The following RYR2 variants were observed in gnomAD, a reference collection of about 807,000 sequenced individuals.
RYR2 encodes ryanodine receptor 2.
A neutral mutation model predicts 601.1 loss-of-function variants in RYR2; 227 were observed. The ratio of observed to expected loss-of-function variants is 0.38; its 90% CI spans 0.34 to 0.42. RYR2 has a LOEUF of 0.42. RYR2 is among the 10% of genes least tolerant of loss of function. The pLI, the probability that RYR2 is intolerant of heterozygous loss-of-function variation, is 1.00. For synonymous variants in RYR2, 2,223 were observed against 2,175.1 expected (o/e 1.02, Z -0.61); for missense variants, 4,646 against 6,156.5 (o/e 0.75, Z 8.21).
At chr1:237,342,002 C>T (rs959470898) in intron 3 of RYR2, among the ~76,000 whole-genome samples, 2 of 152,080 alleles carry the variant, frequency 1.3e-5, no homozygotes, top group South Asian at 2.1e-4. Context: ...CATGGTTATC[C>T]CTAGTCATGG....
At chr1:237,303,974 T>C (rs1342156678) in intron 2 of RYR2, among the ~76,000 whole-genome samples, 1 of 152,176 alleles carries the variant, frequency 6.6e-6, no homozygotes, top group Non-Finnish European at 1.5e-5. Flanking sequence ...TTCTGTCGGG[T>C]GTAAGAGATT....
At chr1:237,237,945 C>T (rs368764751) in intron 1 of RYR2, among the ~76,000 whole-genome samples, 1,518 of 35,546 alleles carry the variant, frequency 0.043, 37 homozygotes, top group South Asian at 0.21. Context: ...CTTTCCTTTC[C>T]CCTTTCCTTT....
intron 41 of RYR2, among the ~76,000 whole-genome samples, chr1:237,628,315 A>C (rs1679891016): frequency 6.6e-6 from 1 of 151,668 alleles, no homozygotes. Flanking sequence ...GGTGCGCTGC[A>C]CCCACTAACT....
At chr1:237,160,192 A>G (rs1379660499) in intron 1 of RYR2, among the ~76,000 whole-genome samples, 1 of 152,230 alleles carries the variant, frequency 6.6e-6, no homozygotes, top group East Asian at 1.9e-4. Flanking sequence ...AAGCAGTTCA[A>G]TTTACAAAAC....
At chr1:237,501,377 A>G (rs1664622209) in intron 21 of RYR2, among the ~76,000 whole-genome samples, 1 of 151,732 alleles carries the variant, frequency 6.6e-6, no homozygotes. Flanking sequence ...GTTCCTCTCC[A>G]CCTTTATTCT....
At position 237,565,202 on chromosome 1, in the gene RYR2, T is replaced by C. The variant is rs577255476; in HGVS notation, c.3215-1365T>C. Among the ~76,000 whole-genome samples, 17 of 138,672 alleles carry C rather than the reference T, an allele frequency of 1.2e-4. 1 individual carries two copies. The highest frequency in any genetic ancestry group is 3.5e-3 in the Middle Eastern group (1 of 286). 91.0% of individuals were successfully genotyped at this position (138,672 alleles called of 152,430 possible). On this transcript the variant is annotated intron_variant, in intron 27 of 104. Transcript: ENST00000366574. ...TTCTTTCTTTCTTTCTTTCTTTCTT[T>C]CTTTCTTTCTTTCTTTCTTTCTTTT...
At chr1:237,761,334 C>A (rs1422701011) in intron 84 of RYR2, among the ~76,000 whole-genome samples, 1 of 152,126 alleles carries the variant, frequency 6.6e-6, no homozygotes, top group Non-Finnish European at 1.5e-5. Flanking sequence ...TCTGGGAAAT[C>A]ATAAACCACA....
At chr1:237,102,858 AAATAAT>A (rs1300306323) in intron 1 of RYR2, among the ~76,000 whole-genome samples, 1 of 152,206 alleles carries the variant, frequency 6.6e-6, no homozygotes, top group African/African-American at 2.4e-5. Context: ...CCATCTAAAA[AAATAAT>A]AATAATTTGA....
At chr1:237,629,340 G>A (rs1680016447) in intron 41 of RYR2, among the ~76,000 whole-genome samples, 1 of 151,532 alleles carries the variant, frequency 6.6e-6, no homozygotes, top group African/African-American at 2.4e-5. Flanking sequence ...ATGCACGCAG[G>A]AAATCTGTAT....
In RYR2 at chr1:237,493,077, C is replaced by T. The variant is rs759839219; in HGVS notation, c.1951C>T (p.His651Tyr). The change falls in exon 19 of 105, where the codon CAT becomes TAT. Residue 651 changes from histidine (H) to tyrosine (Y), a missense_variant. His to Tyr is a moderately conservative substitution (Grantham distance 83, BLOSUM62 2). Coordinates refer to ENST00000366574, the MANE Select transcript of RYR2 (RefSeq NM_001035.3). Reference sequence around the variant, plus strand: ...GTTATTGCAGACACGTCTTGTGAACCATGTCAGCAGGTAAATTCAGACAGA... The same window carrying T: ...GTTATTGCAGACACGTCTTGTGAACTATGTCAGCAGGTAAATTCAGACAGA... ...DLLLQTRLVNHVSSMRPNIFL... is the reference protein window; with the variant it reads ...DLLLQTRLVNYVSSMRPNIFL... 1.2e-5 allele frequency: 19 copies of T among 1,613,632 alleles called. No individual in the cohort carries two copies. The highest frequency in any genetic ancestry group is 1.4e-5 in the Non-Finnish European group (17 of 1,179,792).
At chr1:237,318,668 G>A (rs1695328698) in intron 2 of RYR2, among the ~76,000 whole-genome samples, 1 of 152,044 alleles carries the variant, frequency 6.6e-6, no homozygotes, top group Admixed American at 6.6e-5. Context: ...TGAAAAGTCA[G>A]CCATTAATCA....
In RYR2 at chr1:237,263,501, A is replaced by G. The variant is rs541171856; in HGVS notation, c.49-6996A>G. Among the ~76,000 whole-genome samples the G allele has an allele frequency of 5.9e-5, 9 of 152,318 alleles. No individual in the cohort carries two copies. In the East Asian group the frequency reaches 1.5e-3, roughly 26 times the overall value. ...GTGATTTCTGTCTGCAAGTAACATC[A>G]CTGTCATGGTTTATGAATTCTGTTC... On this transcript the variant is annotated intron_variant, in intron 1 of 104. Coordinates refer to ENST00000366574, the MANE Select transcript of RYR2 (RefSeq NM_001035.3).
intron 62 of RYR2, among the ~76,000 whole-genome samples, chr1:237,681,278 A>T (rs1416876224): frequency 6.6e-6 from 1 of 152,246 alleles, no homozygotes; most frequent in Non-Finnish European, 1.5e-5. Context: ...AATACACAGT[A>T]TAAAGCAGAA....
chr1:237,184,760 A>T (rs1193139714), intron 1 of RYR2, among the ~76,000 whole-genome samples: 2 of 152,168 alleles, frequency 1.3e-5, no homozygotes, highest in Non-Finnish European at 2.9e-5. Flanking sequence ...GCATAAATTT[A>T]TTAGGTTTTA....
chr1:237,797,921 T>G, intron 96 of RYR2, 116 bp from the exon 97 acceptor site: 1 of 955,284 alleles, frequency 1.0e-6, no homozygotes, highest in Non-Finnish European at 1.5e-6. Flanking sequence ...AGATTTTAAG[T>G]GATTGTTAGG....
chr1:237,097,402 C>T (rs1338128813), intron 1 of RYR2, among the ~76,000 whole-genome samples: 1 of 152,138 alleles, frequency 6.6e-6, no homozygotes, highest in Non-Finnish European at 1.5e-5. Context: ...AGGAAGTGAA[C>T]CCCAGATGAC....
chr1:237,127,565 AC>A (rs1253453662), intron 1 of RYR2, among the ~76,000 whole-genome samples: 27 of 129,384 alleles, frequency 2.1e-4, no homozygotes, highest in East Asian at 1.1e-3. Context: ...CGGGGGGCTG[AC>A]CCCCCCCACC....
intron 1 of RYR2, among the ~76,000 whole-genome samples, chr1:237,065,777 G>T (rs1663527946): frequency 6.6e-6 from 1 of 152,202 alleles, no homozygotes; most frequent in Admixed American, 6.5e-5. Flanking sequence ...ATTGGCTCAT[G>T]GTTCCACAGG....
chr1:237,267,202 T>G (rs1355865658), intron 1 of RYR2, among the ~76,000 whole-genome samples: 1 of 152,176 alleles, frequency 6.6e-6, no homozygotes, highest in Non-Finnish European at 1.5e-5. Context: ...TCCTATAGGT[T>G]TCCTATATCA....
Sources: gnomAD v4.1 joint callset for allele counts (sites outside exome capture counted in the v4.1 genomes callset) on GRCh38, gnomAD v4.1.1 for gene constraint, MANE v1.5 for transcripts, NCBI Gene and HGNC (gene_info 2026-07-23, HGNC 2026-07-21) for gene names.